The following HSDL2 variants were observed in gnomAD, a reference collection of about 807,000 sequenced individuals.
The protein encoded by HSDL2 is hydroxysteroid dehydrogenase like 2.
HSDL2 carries 27 observed loss-of-function variants against 46.3 expected under a neutral mutation model. The observed-to-expected ratio is 0.58, with a 90% CI of 0.43 to 0.80. HSDL2 has a LOEUF of 0.80. HSDL2 is among the 30% of genes least tolerant of loss of function. The pLI is 0.00. For synonymous variants in HSDL2, 153 were observed against 163.6 expected, an observed-to-expected ratio of 0.94 and a Z score of 0.50; for missense variants, 451 against 502.7, an observed-to-expected ratio of 0.90 and a Z score of 0.98.
intron 6 of HSDL2, among the ~76,000 whole-genome samples, chr9:112,433,597 GAA>G (rs533104006): frequency 2.8e-4 from 42 of 152,258 alleles, no homozygotes; most frequent in African/African-American, 1.0e-3. Context: ...ACTGTAGAGA[GAA>G]GAGGCAGGAA....
At chr9:112,411,767 A>G (rs1437432478) in intron 4 of HSDL2, among the ~76,000 whole-genome samples, 1 of 152,236 alleles carries the variant, frequency 6.6e-6, no homozygotes, top group Non-Finnish European at 1.5e-5. Flanking sequence ...AAAATAGGCA[A>G]TGTTGCTATG....
Position 112,416,871 on chromosome 9 carries a change from G to T in HSDL2, c.426G>T (p.Lys142Asn). The change falls in exon 5 of 11, where the codon AAG becomes AAT. Residue 142 changes from lysine to asparagine, a missense_variant. Physicochemically the swap from Lys to Asn is moderately conservative, Grantham distance 94. Coordinates refer to ENST00000398805, the MANE Select transcript of HSDL2 (RefSeq NM_032303.5). ...AAGCATGTATTCCTTATTTGAAAAA[G>T]AGCAAAGTTGCTCATATCCTCAATA... ...ASKACIPYLK[K>N]SKVAHILNIS... 6.3e-7 allele frequency: 1 copy of T among 1,599,736 alleles called. No individual in the cohort carries two copies. Among genetic ancestry groups the T allele is most frequent in the Non-Finnish European group, 8.6e-7 (1 of 1,167,406 alleles).
At chr9:112,435,246 C>T (rs1055320044) in intron 6 of HSDL2, among the ~76,000 whole-genome samples, 14 of 151,920 alleles carry the variant, frequency 9.2e-5, no homozygotes. Flanking sequence ...ACACACACAG[C>T]ATGTATATAC....
intron 4 of HSDL2, among the ~76,000 whole-genome samples, chr9:112,412,582 T>C (rs1831898880): frequency 6.6e-6 from 1 of 152,242 alleles, no homozygotes. Context: ...TTGAATTTTA[T>C]GTAGATTTGT....
chr9:112,450,535 A>G (rs1170694958), intron 8 of HSDL2, among the ~76,000 whole-genome samples: 3 of 151,628 alleles, frequency 2.0e-5, no homozygotes, highest in Admixed American at 6.6e-5. Flanking sequence ...AGGCTGAGGC[A>G]CAAGAATCGC....
chr9:112,387,025 CA>C (rs767466852), intron 1 of HSDL2, among the ~76,000 whole-genome samples: 1 of 152,086 alleles, frequency 6.6e-6, no homozygotes, highest in Non-Finnish European at 1.5e-5. Flanking sequence ...CTGATTTGAT[CA>C]GGCCAACCAT....
intron 3 of HSDL2, 22 bp from the exon 4 acceptor site, chr9:112,408,885 A>C (rs1831794730): frequency 7.8e-7 from 1 of 1,277,200 alleles, no homozygotes; most frequent in Non-Finnish European, 1.1e-6. Flanking sequence ...CATTAAAATG[A>C]AATTGATTAT....
At chr9:112,382,457 T>G (rs1831120217) in intron 1 of HSDL2, among the ~76,000 whole-genome samples, 1 of 152,240 alleles carries the variant, frequency 6.6e-6, no homozygotes, top group South Asian at 2.1e-4. Flanking sequence ...TTGCATTTAT[T>G]TTATCACAAG....
intron 2 of HSDL2, among the ~76,000 whole-genome samples, chr9:112,404,854 A>C (rs910819063): frequency 6.6e-6 from 1 of 152,214 alleles, no homozygotes; most frequent in African/African-American, 2.4e-5. Flanking sequence ...AGAGGAATGC[A>C]TGTGAAGTGT....
chr9:112,438,379 T>A lies in HSDL2; in HGVS notation c.599-52T>A. The A allele has an allele frequency of 4.3e-6, 5 of 1,170,170 alleles. No individual in the cohort carries two copies. The South Asian group carries it at 1.0e-4, about 24-fold the overall frequency. 72.5% of individuals were successfully genotyped at this position (1,170,170 alleles called of 1,614,324 possible). ...TGCTTGCTTGTTACTTCCATAGTTT[T>A]ATTATTTGATTTGGAGTTATGAGTG... On this transcript the variant is annotated intron_variant, in intron 6 of 10. Coordinates refer to ENST00000398805, the MANE Select transcript of HSDL2 (RefSeq NM_032303.5).
At chr9:112,390,597 T>A (rs552377183) in intron 1 of HSDL2, among the ~76,000 whole-genome samples, 1 of 151,908 alleles carries the variant, frequency 6.6e-6, no homozygotes, top group Non-Finnish European at 1.5e-5. Context: ...GGACTACAGG[T>A]GCACACCAAT....
At chr9:112,419,295 C>T (rs956066875) in intron 6 of HSDL2, among the ~76,000 whole-genome samples, 21 of 152,148 alleles carry the variant, frequency 1.4e-4, no homozygotes, top group African/African-American at 4.3e-4. Flanking sequence ...TGAGCCACCA[C>T]GCCCGGCCTG....
chr9:112,471,006 T>C lies in HSDL2; in HGVS notation c.*462T>C, dbSNP rs1833561650. Reference sequence around the variant, plus strand: ...TTTAAAGAAAATCTTATATAGTACATTTTACAAAAATTATAAAAAATGAAT... The same window carrying C: ...TTTAAAGAAAATCTTATATAGTACACTTTACAAAAATTATAAAAAATGAAT... On this transcript the variant is annotated 3_prime_UTR_variant, in exon 11 of 11. Coordinates refer to ENST00000398805, the MANE Select transcript of HSDL2 (RefSeq NM_032303.5). The C allele has an allele frequency of 6.6e-6, 1 of 152,214 alleles. No individual in the cohort carries two copies. Among genetic ancestry groups the C allele is most frequent in the Non-Finnish European group, 1.5e-5 (1 of 68,048 alleles). The allele number at this position is 152,214 out of a possible 1,614,324, so 9.4% of individuals were successfully genotyped here.
At chr9:112,399,923 A>G (rs539383521) in intron 1 of HSDL2, among the ~76,000 whole-genome samples, 2 of 152,348 alleles carry the variant, frequency 1.3e-5, no homozygotes, top group South Asian at 4.1e-4. Context: ...AGTGGTCCTG[A>G]GGTGACGTAC....
chr9:112,451,994 GT>G (rs1456497677), intron 8 of HSDL2, among the ~76,000 whole-genome samples: 2 of 152,192 alleles, frequency 1.3e-5, no homozygotes, highest in African/African-American at 4.8e-5. Context: ...ATAAAAAGCA[GT>G]GTCATGCTAA....
intron 10 of HSDL2, among the ~76,000 whole-genome samples, 158 bp from the exon 11 acceptor site, chr9:112,470,274 A>C (rs1323310167): frequency 1.3e-5 from 2 of 152,200 alleles, no homozygotes; most frequent in Non-Finnish European, 2.9e-5. Context: ...AGGAATTGGG[A>C]TTCCCAAGAT....
rs1453739238 is a variant in HSDL2 at position 112,416,942 on chromosome 9, G to A, written c.497G>A (p.Cys166Tyr). ...AATCCAGTTTGGTTCAAACAGCACT[G>A]TGGTAGGTGGTAGGTGGTAGGGTGA... ...NLNPVWFKQH[C>Y]AYTIAKYGMS... is the part of the protein sequence containing the mutation. Residue 166 changes from cysteine to tyrosine, a missense_variant and splice_region_variant, in exon 5 of 11, where the codon TGT becomes TAT. Physicochemically the swap from Cys to Tyr is radical, Grantham distance 194. Transcript: ENST00000398805. The A allele has an allele frequency of 7.6e-7, 1 of 1,321,036 alleles. No individual in the cohort carries two copies. Among genetic ancestry groups the A allele is most frequent in the Non-Finnish European group, 1.1e-6 (1 of 917,002 alleles). 81.8% of individuals were successfully genotyped at this position (1,321,036 alleles called of 1,614,324 possible).
chr9:112,418,311 G>A (rs1043387454), intron 5 of HSDL2, among the ~76,000 whole-genome samples: 6 of 151,944 alleles, frequency 3.9e-5, no homozygotes, highest in African/African-American at 1.2e-4. Context: ...GGCTGGGTAC[G>A]GTGGCTCGTA....
At chr9:112,467,902 C>G (rs1409418014) in intron 10 of HSDL2, among the ~76,000 whole-genome samples, 1 of 152,180 alleles carries the variant, frequency 6.6e-6, no homozygotes, top group Non-Finnish European at 1.5e-5. Context: ...CACTGAATCT[C>G]CTGTTTCCTG....
Sources: allele counts gnomAD v4.1 joint callset (sites outside exome capture counted in the v4.1 genomes callset), GRCh38; gene constraint gnomAD v4.1.1; transcripts MANE v1.5; gene names NCBI Gene and HGNC (gene_info 2026-07-23, HGNC 2026-07-21).